TBC1D12: variants seen among roughly 807,000 people sequenced by gnomAD.
TBC1D12 encodes the protein TBC1 domain family member 12.
A neutral mutation model predicts 86.7 loss-of-function variants in TBC1D12; 56 were observed. The ratio of observed to expected loss-of-function variants is 0.65; its 90% CI spans 0.52 to 0.81. TBC1D12 has a LOEUF of 0.81. Ranked by LOEUF, TBC1D12 falls within the 30% of genes least tolerant of loss-of-function variation. The pLI is 0.00. For synonymous variants in TBC1D12, 421 were observed against 411.7 expected, an observed-to-expected ratio of 1.02 and a Z score of -0.27; for missense variants, 1,023 against 1,038.8, an observed-to-expected ratio of 0.98 and a Z score of 0.21.
intron 9 of TBC1D12, among the ~76,000 whole-genome samples, chr10:94,512,393 C>T (rs1188809061): frequency 3.3e-5 from 5 of 152,204 alleles, no homozygotes; most frequent in Non-Finnish European, 4.4e-5. Context: ...TTCATCTTCT[C>T]ACCTTTGCCT....
At chr10:94,531,839 T>G (rs796550777) in intron 12 of TBC1D12, among the ~76,000 whole-genome samples, 24 of 144,530 alleles carry the variant, frequency 1.7e-4, no homozygotes, top group African/African-American at 5.9e-4. Context: ...TTTATGTTAT[T>G]TTATTTTATG....
chr10:94,497,947 C>T (rs906365917), intron 5 of TBC1D12, among the ~76,000 whole-genome samples: 5 of 151,688 alleles, frequency 3.3e-5, no homozygotes, highest in African/African-American at 1.2e-4. Context: ...CTCAGCCTCC[C>T]GAGTAGCTGG....
chr10:94,465,824 A>C (rs1320564045), intron 2 of TBC1D12, among the ~76,000 whole-genome samples: 1 of 151,430 alleles, frequency 6.6e-6, no homozygotes, highest in Non-Finnish European at 1.5e-5. Context: ...ACATACACAT[A>C]TACGTATACG....
In TBC1D12 at chr10:94,466,032, A is replaced by T. The variant is rs570603692; in HGVS notation, c.1096-8636A>T. Among the ~76,000 whole-genome samples, 7 of 152,004 alleles carry T rather than the reference A, an allele frequency of 4.6e-5. No homozygotes were observed. In the East Asian group the frequency reaches 1.2e-3, roughly 25 times the overall value. On this transcript the variant is annotated intron_variant, in intron 2 of 12. Coordinates refer to ENST00000225235, the MANE Select transcript of TBC1D12 (RefSeq NM_015188.2). ...TTATTAGCCACTAGAGCTTGTTTGCAGTTAATATTTTGCAGACATTTCTGT... is the reference window on the plus strand; with the variant it reads ...TTATTAGCCACTAGAGCTTGTTTGCTGTTAATATTTTGCAGACATTTCTGT...
At chr10:94,428,665 A>G (rs1452540974) in intron 1 of TBC1D12, among the ~76,000 whole-genome samples, 2 of 151,770 alleles carry the variant, frequency 1.3e-5, no homozygotes, top group African/African-American at 4.8e-5. Flanking sequence ...TGGATTGTGC[A>G]CACAATTTGA....
chr10:94,490,429 G>A (rs2056230770), intron 3 of TBC1D12, among the ~76,000 whole-genome samples: 1 of 152,070 alleles, frequency 6.6e-6, no homozygotes, highest in Non-Finnish European at 1.5e-5. Flanking sequence ...GCAAATCACA[G>A]TATAGTAAGG....
intron 7 of TBC1D12, chr10:94,509,022 A>G (rs2056495381): frequency 6.6e-6 from 1 of 151,794 alleles, no homozygotes; most frequent in Non-Finnish European, 1.5e-5. Context: ...CAATTCAACC[A>G]TTAATTGATC....
rs540756891 is a variant in TBC1D12, at chr10:94,491,816, C to T, written c.1212-1549C>T. Among the ~76,000 whole-genome samples the T allele has an allele frequency of 1.0e-4, 11 of 108,560 alleles. No homozygotes were observed. In the East Asian group the frequency reaches 5.6e-3, roughly 56 times the overall value. 71.2% of individuals were successfully genotyped at this position (108,560 alleles called of 152,430 possible). On this transcript the variant is annotated intron_variant, in intron 3 of 12. Transcript: ENST00000225235. ...AACCCTTATTTTATTAGTAATGCCC[C>T]CAAAGCTTAAGAGTAGTGGTGCTGA...
intron 2 of TBC1D12, among the ~76,000 whole-genome samples, chr10:94,445,946 CAAA>C (rs111729943): frequency 1.5e-5 from 2 of 135,952 alleles, no homozygotes. Flanking sequence ...AAAACTGTCT[CAAA>C]AAAAAAAAAA....
intron 9 of TBC1D12, among the ~76,000 whole-genome samples, chr10:94,517,510 AT>A (rs922065821): frequency 5.9e-5 from 9 of 151,552 alleles, no homozygotes; most frequent in Non-Finnish European, 1.3e-4. Flanking sequence ...TGTTTTAAAT[AT>A]TTTTTTTTAC....
chr10:94,496,749 G>C (rs2134182282), intron 4 of TBC1D12, among the ~76,000 whole-genome samples: 1 of 152,270 alleles, frequency 6.6e-6, no homozygotes, highest in East Asian at 1.9e-4. Context: ...TGTAGTCCAA[G>C]CTGTTCAGGA....
At chr10:94,459,430 C>T (rs112213772) in intron 2 of TBC1D12, among the ~76,000 whole-genome samples, 3,376 of 152,360 alleles carry the variant, frequency 0.022, 127 homozygotes, top group African/African-American at 0.074. Context: ...CAGCTGGCTT[C>T]GCCTAGCGGA....
intron 5 of TBC1D12, among the ~76,000 whole-genome samples, chr10:94,497,846 G>A (rs1268727771): frequency 8.5e-5 from 12 of 140,680 alleles, no homozygotes; most frequent in African/African-American, 1.6e-4. Context: ...TTTCTGAGAC[G>A]GAGTCTCGCT....
intron 6 of TBC1D12, among the ~76,000 whole-genome samples, chr10:94,503,853 G>GACCTCCAGTGATAGGCCC (rs1282441909): frequency 6.6e-6 from 1 of 152,202 alleles, no homozygotes; most frequent in Non-Finnish European, 1.5e-5. Context: ...TCGAACTCTT[G>GACCTCCAGTGATAGGCCC]ACCTCCAGTG....
intron 3 of TBC1D12, among the ~76,000 whole-genome samples, chr10:94,491,706 T>A (rs2056247999): frequency 6.6e-6 from 1 of 152,210 alleles, no homozygotes; most frequent in Non-Finnish European, 1.5e-5. Context: ...CTGCACTATA[T>A]ACACTACCCA....
chr10:94,425,612 C>T (rs1156430946), intron 1 of TBC1D12, among the ~76,000 whole-genome samples: 3 of 152,070 alleles, frequency 2.0e-5, no homozygotes, highest in African/African-American at 7.2e-5. Context: ...TACAACTCAA[C>T]CAACTAGTAA....
chr10:94,445,384 C>T (rs541372714), intron 2 of TBC1D12, among the ~76,000 whole-genome samples: 1 of 152,012 alleles, frequency 6.6e-6, no homozygotes, highest in African/African-American at 2.4e-5. Flanking sequence ...AGCAATAGAA[C>T]TTCATGAGTG....
At chr10:94,445,454 GCTGCCT>G (rs1470199502) in intron 2 of TBC1D12, among the ~76,000 whole-genome samples, 38 of 152,294 alleles carry the variant, frequency 2.5e-4, no homozygotes, top group Non-Finnish European at 3.8e-4. Context: ...AAATGTAGTT[GCTGCCT>G]CTGCCTCTGC....
At chr10:94,528,453 C>G (rs777931334) in intron 11 of TBC1D12, among the ~76,000 whole-genome samples, 2 of 152,182 alleles carry the variant, frequency 1.3e-5, no homozygotes, top group African/African-American at 2.4e-5. Context: ...GCCTTTGAAG[C>G]AATACCCAGT....
Sources: allele counts gnomAD v4.1 joint callset (sites outside exome capture counted in the v4.1 genomes callset), GRCh38; gene constraint gnomAD v4.1.1; transcripts MANE v1.5; gene names NCBI Gene and HGNC (gene_info 2026-07-23, HGNC 2026-07-21).